The following NUFIP1 variants were observed in gnomAD, a reference collection of about 807,000 sequenced individuals.
The protein encoded by NUFIP1 is nuclear FMR1 interacting protein 1, also known as FMR1-interacting protein NUFIP1.
In NUFIP1, 38 loss-of-function variants were observed where a neutral mutation model predicts 56.2. The ratio of observed to expected loss-of-function variants is 0.68; its 90% CI spans 0.52 to 0.89. The LOEUF is 0.89. Ranked by LOEUF, NUFIP1 falls within the 40% of genes least tolerant of loss-of-function variation. The pLI is 0.00. For missense variants in NUFIP1, 567 were observed against 605.8 expected (o/e 0.94, Z 0.67); for synonymous variants, 215 against 212.4 (o/e 1.01, Z -0.10).
chr13:44,955,914 C>T (rs1489155253), intron 7 of NUFIP1, among the ~76,000 whole-genome samples: 16 of 151,648 alleles, frequency 1.1e-4, no homozygotes, highest in Admixed American at 6.6e-4. Flanking sequence ...GAGGCCGAGG[C>T]GGGTGGATCA....
At chr13:44,971,935 T>C (rs1166566452) in intron 5 of NUFIP1, among the ~76,000 whole-genome samples, 1 of 151,964 alleles carries the variant, frequency 6.6e-6, no homozygotes, top group Non-Finnish European at 1.5e-5. Flanking sequence ...CTTGGGAAAA[T>C]GACACCTCTT....
intron 5 of NUFIP1, among the ~76,000 whole-genome samples, chr13:44,977,614 A>C (rs1319319810): frequency 1.3e-5 from 2 of 152,220 alleles, no homozygotes; most frequent in African/African-American, 4.8e-5. Context: ...GATTTTGCCA[A>C]AGAGATCAAA....
chr13:44,958,847 A>G (rs1786937632), intron 7 of NUFIP1, among the ~76,000 whole-genome samples: 1 of 152,228 alleles, frequency 6.6e-6, no homozygotes, highest in Admixed American at 6.5e-5. Context: ...TTATTTTTCA[A>G]CTAATAAGCA....
intron 5 of NUFIP1, among the ~76,000 whole-genome samples, chr13:44,970,867 G>A (rs987169413): frequency 1.3e-5 from 2 of 151,976 alleles, no homozygotes; most frequent in African/African-American, 4.8e-5. Context: ...GTAGAGATAG[G>A]GTTTCGCCAT....
chr13:44,957,494 G>A (rs966302216), intron 7 of NUFIP1, among the ~76,000 whole-genome samples: 1 of 152,174 alleles, frequency 6.6e-6, no homozygotes, highest in South Asian at 2.1e-4. Flanking sequence ...TTACAGGCGT[G>A]AGCCACCATG....
intron 5 of NUFIP1, among the ~76,000 whole-genome samples, chr13:44,971,034 C>A (rs1566062199): frequency 6.6e-6 from 1 of 152,052 alleles, no homozygotes; most frequent in Non-Finnish European, 1.5e-5. Flanking sequence ...TTTGAGAAAT[C>A]TATCAAACAT....
chr13:44,983,477 C>T (rs1378976027), intron 1 of NUFIP1, among the ~76,000 whole-genome samples: 1 of 151,784 alleles, frequency 6.6e-6, no homozygotes, highest in Non-Finnish European at 1.5e-5. Context: ...GCACCCAGCC[C>T]CCCGTCTCAA....
At chr13:44,956,369 G>A (rs1001073466) in intron 7 of NUFIP1, among the ~76,000 whole-genome samples, 2 of 152,114 alleles carry the variant, frequency 1.3e-5, no homozygotes, top group South Asian at 2.1e-4. Context: ...TCTGGCACGA[G>A]GGACCAGTTT....
intron 5 of NUFIP1, among the ~76,000 whole-genome samples, chr13:44,969,243 C>T (rs1408580812): frequency 1.3e-5 from 2 of 151,628 alleles, no homozygotes; most frequent in African/African-American, 2.4e-5. Context: ...AGCACATTAT[C>T]GCAAAAAAGA....
intron 1 of NUFIP1, among the ~76,000 whole-genome samples, chr13:44,986,282 C>T (rs1473512003): frequency 3.3e-5 from 5 of 152,144 alleles, no homozygotes; most frequent in South Asian, 2.1e-4. Context: ...AAAAGATCAA[C>T]ATTAACAGGA....
chr13:44,977,387 G>C (rs144627076), intron 5 of NUFIP1, among the ~76,000 whole-genome samples: 183 of 152,308 alleles, frequency 1.2e-3, no homozygotes, highest in African/African-American at 4.2e-3. Context: ...ACACACCAGA[G>C]TAGAAATCAA....
intron 5 of NUFIP1, among the ~76,000 whole-genome samples, chr13:44,968,798 G>A (rs985085429): frequency 2.6e-5 from 4 of 152,174 alleles, no homozygotes; most frequent in East Asian, 1.9e-4. Context: ...AGTGTACTAC[G>A]TACCAGAGAG....
chr13:44,989,462 A>G lies in NUFIP1; in HGVS notation c.-26T>C. 6.2e-7 allele frequency: 1 copy of G among 1,610,048 alleles called. No homozygotes were observed. Among genetic ancestry groups the G allele is most frequent in the Non-Finnish European group, 8.5e-7 (1 of 1,178,040 alleles). On this transcript the variant is annotated 5_prime_UTR_variant, in exon 1 of 10. Transcript: ENST00000379161. ...ACCACTGGCGGGTCCGGAGTCTAGCACGCGACTGTGGAGCAAGCATTAGGC... is the reference window on the plus strand; with the variant it reads ...ACCACTGGCGGGTCCGGAGTCTAGCGCGCGACTGTGGAGCAAGCATTAGGC...
chr13:44,963,081 A>C (rs1450495765), intron 6 of NUFIP1, among the ~76,000 whole-genome samples: 1 of 151,760 alleles, frequency 6.6e-6, no homozygotes, highest in Admixed American at 6.6e-5. Context: ...TCCCTCCTCC[A>C]CCAAAAAAAA....
chr13:44,952,126 T>C (rs891816870), intron 7 of NUFIP1, among the ~76,000 whole-genome samples: 7 of 152,292 alleles, frequency 4.6e-5, no homozygotes, highest in African/African-American at 1.7e-4. Flanking sequence ...TCAGCTTCAA[T>C]CATCTTGATA....
At chr13:44,955,369 A>G (rs1871193160) in intron 7 of NUFIP1, among the ~76,000 whole-genome samples, 1 of 152,208 alleles carries the variant, frequency 6.6e-6, no homozygotes, top group Non-Finnish European at 1.5e-5. Flanking sequence ...GGCACCAAAT[A>G]CAATACAGAA....
At chr13:44,967,368 C>T (rs1593365241) in intron 5 of NUFIP1, among the ~76,000 whole-genome samples, 1 of 151,620 alleles carries the variant, frequency 6.6e-6, no homozygotes, top group East Asian at 2.0e-4. Flanking sequence ...ATTAGCTGGG[C>T]ATGGTGGCGG....
intron 2 of NUFIP1, among the ~76,000 whole-genome samples, 195 bp downstream of exon 2, chr13:44,981,877 A>C (rs942973011): frequency 6.8e-6 from 1 of 147,952 alleles, no homozygotes; most frequent in African/African-American, 2.4e-5. Flanking sequence ...GAAAAGAAAC[A>C]AAAATTTAGT....
At chr13:44,975,594 T>C (rs573968278) in intron 5 of NUFIP1, among the ~76,000 whole-genome samples, 25 of 152,312 alleles carry the variant, frequency 1.6e-4, no homozygotes, top group African/African-American at 5.5e-4. Flanking sequence ...CTCTTACCTA[T>C]ACTCACAGTT....
Sources: allele counts gnomAD v4.1 joint callset (sites outside exome capture counted in the v4.1 genomes callset), GRCh38; gene constraint gnomAD v4.1.1; transcripts MANE v1.5; gene names NCBI Gene and HGNC (gene_info 2026-07-23, HGNC 2026-07-21).